The following MAN2B2 variants were observed in gnomAD, a reference collection of about 807,000 sequenced individuals.
MAN2B2 encodes the protein epididymis-specific alpha-mannosidase.
MAN2B2 carries 106 observed loss-of-function variants against 117.1 expected under a neutral mutation model. That is an observed-to-expected ratio of 0.90 (90% CI 0.77 to 1.06). The LOEUF is 1.06. MAN2B2 is among the 50% of genes least tolerant of loss of function. The pLI is 0.00. For missense variants in MAN2B2, 1,326 were observed against 1,381.4 expected (o/e 0.96, Z 0.64); for synonymous variants, 544 against 595.1 (o/e 0.91, Z 1.25).
chr4:6,606,338 G>A (rs1727544605), intron 11 of MAN2B2, among the ~76,000 whole-genome samples: 1 of 152,228 alleles, frequency 6.6e-6, no homozygotes, highest in Non-Finnish European at 1.5e-5. Context: ...GGGAAAGTGG[G>A]GCAGGTGCAG....
At chr4:6,579,365 C>CATT in intron 3 of MAN2B2, among the ~76,000 whole-genome samples, 1 of 120,770 alleles carries the variant, frequency 8.3e-6, no homozygotes, top group Non-Finnish European at 1.9e-5. Context: ...CCACCATCAC[C>CATT]ATCACCACCA....
intron 11 of MAN2B2, among the ~76,000 whole-genome samples, chr4:6,605,568 A>G (rs78076320): frequency 0.099 from 14,999 of 152,182 alleles, 816 homozygotes; most frequent in East Asian, 0.16. Flanking sequence ...ATGAGCACTG[A>G]GGGACTCACT....
intron 5 of MAN2B2, 145 bp downstream of exon 5, chr4:6,589,305 A>C: frequency 3.2e-6 from 2 of 619,038 alleles, no homozygotes; most frequent in Non-Finnish European, 5.6e-6. Context: ...CAGTAGCGCA[A>C]TCTTGGCTCA....
In MAN2B2 at chr4:6,609,191, T is replaced by A. The variant is rs142263985; in HGVS notation, c.1899T>A (p.Asp633Glu). The change falls in exon 12 of 19, where the codon GAT (aspartate) becomes GAA (glutamate). Residue 633 changes from aspartate (D) to glutamate (E), a missense_variant. Coordinates refer to ENST00000285599, the MANE Select transcript of MAN2B2 (RefSeq NM_015274.3). ...NGDVKQGPIS[D>E]NYLFTPGKAA... is the part of the protein sequence containing the mutation. ...ATGTGAAACAGGGCCCCATTTCCGATAACTACCTGTTCACACCGGGCAAGG... is the reference window on the plus strand; with the variant it reads ...ATGTGAAACAGGGCCCCATTTCCGAAAACTACCTGTTCACACCGGGCAAGG... The A allele has an allele frequency of 1.8e-4, 290 of 1,614,236 alleles. No individual in the cohort carries two copies. The African/African-American group carries it at 3.5e-3, about 20-fold the overall frequency.
intron 3 of MAN2B2, among the ~76,000 whole-genome samples, chr4:6,579,930 G>C (rs1367344038): frequency 1.3e-5 from 2 of 152,250 alleles, no homozygotes; most frequent in Non-Finnish European, 2.9e-5. Flanking sequence ...TAGAAACTGA[G>C]ATCCAAAGAA....
intron 9 of MAN2B2, among the ~76,000 whole-genome samples, chr4:6,599,662 CAAAAAAAA>C (rs34126657): frequency 2.1e-5 from 2 of 93,402 alleles, no homozygotes; most frequent in Non-Finnish European, 4.3e-5. Context: ...GACTCCGTCT[CAAAAAAAA>C]AAAAAAAAAA....
chr4:6,587,319 C>T (rs1243370446), intron 4 of MAN2B2, 151 bp downstream of exon 4: 2 of 896,082 alleles, frequency 2.2e-6, no homozygotes, highest in Non-Finnish European at 3.2e-6. Context: ...CTAACCTTTG[C>T]TCTTGTCGCC....
chr4:6,584,620 T>C (rs1299259244), intron 3 of MAN2B2, among the ~76,000 whole-genome samples: 2 of 152,236 alleles, frequency 1.3e-5, no homozygotes, highest in Non-Finnish European at 2.9e-5. Flanking sequence ...TAGAGGTTGG[T>C]TGGCAGTTTC....
chr4:6,578,698 G>A (rs1363783239), intron 3 of MAN2B2, among the ~76,000 whole-genome samples, 200 bp downstream of exon 3: 1 of 152,100 alleles, frequency 6.6e-6, no homozygotes, highest in Non-Finnish European at 1.5e-5. Flanking sequence ...GAGCATGGAT[G>A]CTAGAGTCAG....
intron 11 of MAN2B2, among the ~76,000 whole-genome samples, chr4:6,607,657 C>T (rs1187188161): frequency 6.6e-6 from 1 of 152,200 alleles, no homozygotes; most frequent in African/African-American, 2.4e-5. Flanking sequence ...GTTGTTTCCA[C>T]GTTTTAGCCA....
chr4:6,621,121 G>GA lies in MAN2B2; in HGVS notation c.2933-67_2933-66insA, dbSNP rs1194499633. On this transcript the variant is annotated intron_variant, in intron 18 of 18. Transcript: ENST00000285599. ...CACAGCAGACTGTAGACAGGTGCAGGGGGTGAGAGGGAGGCTGGGAGGAGG... is the reference window on the plus strand; with the variant it reads ...CACAGCAGACTGTAGACAGGTGCAGGAGGGTGAGAGGGAGGCTGGGAGGAGG... 3.6e-6 allele frequency: 4 copies of GA among 1,125,638 alleles called. No homozygotes were observed. The African/African-American group carries it at 6.1e-5, about 17-fold the overall frequency. 69.7% of individuals were successfully genotyped at this position (1,125,638 alleles called of 1,614,324 possible).
intron 16 of MAN2B2, among the ~76,000 whole-genome samples, chr4:6,616,396 G>T (rs992037629): frequency 1.3e-5 from 2 of 152,086 alleles, no homozygotes; most frequent in Admixed American, 1.3e-4. Context: ...CAGTCAGGGT[G>T]GCTGGCGTAT....
chr4:6,611,149 AACG>A lies in MAN2B2; in HGVS notation c.2437_2439del (p.Asp813del), dbSNP rs1711535675. On this transcript the variant is annotated inframe_deletion, in exon 15 of 19. Coordinates refer to ENST00000285599, the MANE Select transcript of MAN2B2 (RefSeq NM_015274.3). The stretch of plus-strand genomic sequence containing the variant: ...GGACCTGGGCTACAACCTCACGCTG[AACG>A]ACACCTCAGTCGTCCACCCAGTGCT... 1.9e-6 allele frequency: 3 copies of A among 1,613,930 alleles called. No individual in the cohort carries two copies. The highest frequency in any genetic ancestry group is 2.5e-6 in the Non-Finnish European group (3 of 1,180,004).
At chr4:6,606,685 G>T (rs1011213527) in intron 11 of MAN2B2, among the ~76,000 whole-genome samples, 3 of 152,234 alleles carry the variant, frequency 2.0e-5, no homozygotes, top group Admixed American at 1.3e-4. Flanking sequence ...CCCACCAGGG[G>T]TAAGCCTTGC....
At chr4:6,602,516 G>T (rs1305894636) in intron 10 of MAN2B2, among the ~76,000 whole-genome samples, 2 of 152,174 alleles carry the variant, frequency 1.3e-5, no homozygotes, top group Non-Finnish European at 2.9e-5. Context: ...ACTCCTAAGT[G>T]ATGACTTGGA....
intron 3 of MAN2B2, among the ~76,000 whole-genome samples, chr4:6,580,224 CCT>C (rs751712721): frequency 6.6e-6 from 1 of 152,198 alleles, no homozygotes; most frequent in Non-Finnish European, 1.5e-5. Context: ...TGGACACAGC[CCT>C]ACAGACAGAG....
Position 6,597,189 on chromosome 4 carries a change from G to C in MAN2B2, c.1134G>C (p.Leu378Phe). ...GGCTGGCCCGGCGAGCCAGCGCCTTGTTGTATGCCGGGGAGTCCATGTTCA... is the reference window on the plus strand; with the variant it reads ...GGCTGGCCCGGCGAGCCAGCGCCTTCTTGTATGCCGGGGAGTCCATGTTCA... ...LKGLARRASA[L>F]LYAGESMFTR... is the part of the protein sequence containing the mutation. Residue 378 changes from leucine (L) to phenylalanine (F), a missense_variant, in exon 8 of 19, where the codon TTG becomes TTC. Coordinates refer to ENST00000285599, the MANE Select transcript of MAN2B2 (RefSeq NM_015274.3). 6.2e-7 allele frequency: 1 copy of C among 1,612,784 alleles called. No homozygotes were observed. The highest frequency in any genetic ancestry group is 8.5e-7 in the Non-Finnish European group (1 of 1,179,760).
At chr4:6,596,109 C>CTGTCCAGGTGGGCGTGG (rs1205619826) in intron 7 of MAN2B2, among the ~76,000 whole-genome samples, 12 of 149,344 alleles carry the variant, frequency 8.0e-5, no homozygotes, top group African/African-American at 2.5e-4. Context: ...GGGTGTGGCT[C>CTGTCCAGGTGGGCGTGG]TGTCCAGGTG....
At chr4:6,579,352 C>A (rs1039214719) in intron 3 of MAN2B2, among the ~76,000 whole-genome samples, 1 of 108,044 alleles carries the variant, frequency 9.3e-6, no homozygotes, top group African/African-American at 3.4e-5. Flanking sequence ...ATCACCATCA[C>A]CACCACCATC....
Sources: gnomAD v4.1 joint callset for allele counts (sites outside exome capture counted in the v4.1 genomes callset) on GRCh38, gnomAD v4.1.1 for gene constraint, MANE v1.5 for transcripts, NCBI Gene and HGNC (gene_info 2026-07-23, HGNC 2026-07-21) for gene names.